Variants in OPRK1 observed in about 807,000 individuals in gnomAD.
OPRK1 encodes the protein opioid receptor kappa 1, also known as kappa-type opioid receptor.
OPRK1 carries 15 observed loss-of-function variants against 24.5 expected under a neutral mutation model. That is an observed-to-expected ratio of 0.61 (90% CI 0.41 to 0.94). The LOEUF is 0.94. Ranked by LOEUF, OPRK1 falls within the 40% of genes least tolerant of loss-of-function variation. OPRK1 has a pLI of 0.00. For missense variants in OPRK1, 479 were observed against 507.3 expected (o/e 0.94, Z 0.54); for synonymous variants, 205 against 198.0 (o/e 1.04, Z -0.30).
intron 2 of OPRK1, among the ~76,000 whole-genome samples, chr8:53,247,610 G>A (rs1470084099): frequency 6.6e-6 from 1 of 152,080 alleles, no homozygotes; most frequent in Admixed American, 6.5e-5. Flanking sequence ...GGGCAAAGGG[G>A]CGTGAGTGTC....
At chr8:53,237,180 G>T (rs940432802) in intron 2 of OPRK1, among the ~76,000 whole-genome samples, 11 of 152,138 alleles carry the variant, frequency 7.2e-5, no homozygotes, top group South Asian at 6.2e-4. Flanking sequence ...AAGCAGAAAA[G>T]AATGTAGTTT....
rs1333177327 is a variant in OPRK1, at chr8:53,250,805, G to A, written c.233C>T (p.Ser78Leu). The part of the protein sequence containing the change: ...VVFVVGLVGN[S>L]LVMFVIIRYT... ...CCGGATGATCACGAACATGACCAGCGAGTTGCCCACCAAGCCCACGACGAA... is the reference window on the plus strand; with the variant it reads ...CCGGATGATCACGAACATGACCAGCAAGTTGCCCACCAAGCCCACGACGAA... Residue 78 changes from serine (S) to leucine (L), a missense_variant, in exon 2 of 4, where the codon TCG becomes TTG. Transcript: ENST00000265572. 6.2e-7 allele frequency: 1 copy of A among 1,609,970 alleles called. No individual in the cohort carries two copies. The highest frequency in any genetic ancestry group is 8.5e-7 in the Non-Finnish European group (1 of 1,178,176).
rs1308194118 is a variant in OPRK1, at chr8:53,250,820, C to G, written c.218G>C (p.Gly73Ala). ...CATGACCAGCGAGTTGCCCACCAAG[C>G]CCACGACGAACACTACGGAGTAGAC... ...TAVYSVVFVV[G>A]LVGNSLVMFV... The change falls in exon 2 of 4, where the codon GGC becomes GCC. Residue 73 changes from glycine (G) to alanine (A), a missense_variant. Coordinates refer to ENST00000265572, the MANE Select transcript of OPRK1 (RefSeq NM_000912.5). 1 of 1,611,054 alleles carries G rather than the reference C, an allele frequency of 6.2e-7. No individual in the cohort carries two copies. The highest frequency in any genetic ancestry group is 8.5e-7 in the Non-Finnish European group (1 of 1,178,664).
At position 53,234,648 on chromosome 8, in the gene OPRK1, C is replaced by T. The variant is rs536043739; in HGVS notation, c.610+111G>A. ...ATGGATTTAGGCACTACATTTCCGT[C>T]GTCTTTTGGCATCGATTTCCACTAA... On this transcript the variant is annotated intron_variant, in intron 3 of 3. Transcript: ENST00000265572. 5.5e-6 allele frequency: 5 copies of T among 909,132 alleles called. No individual in the cohort carries two copies. The African/African-American group carries it at 6.7e-5, about 12-fold the overall frequency. 56.3% of individuals were successfully genotyped at this position (909,132 alleles called of 1,614,324 possible). A position where few individuals can be genotyped will look rare whatever the true frequency, so the allele number is the denominator to read the frequency against.
At chr8:53,251,160 C>T (rs1424258436) in intron 1 of OPRK1, 75 bp from the exon 2 acceptor site, 1 of 1,383,046 alleles carries the variant, frequency 7.2e-7, no homozygotes, top group Non-Finnish European at 9.3e-7. Context: ...CGCTGGGGAC[C>T]CGGAGCCTGC....
In OPRK1 at chr8:53,229,640, C is replaced by A. The variant is rs200420778; in HGVS notation, c.800G>T (p.Arg267Leu). 1.9e-6 allele frequency: 3 copies of A among 1,613,962 alleles called. No individual in the cohort carries two copies. In the Admixed American group the frequency reaches 5.0e-5, roughly 27 times the overall value. ...RLLSGSREKD[R>L]NLRRITRLVL... is the part of the protein sequence containing the mutation. Reference sequence around the variant, plus strand: ...CAGTCTGGTGATCCTACGCAGGTTGCGATCTTTCTCTCGGGAGCCAGAAAG... The same window carrying A: ...CAGTCTGGTGATCCTACGCAGGTTGAGATCTTTCTCTCGGGAGCCAGAAAG... Residue 267 changes from arginine to leucine, a missense_variant, in exon 4 of 4, where the codon CGC (arginine) becomes CTC (leucine). Coordinates refer to ENST00000265572, the MANE Select transcript of OPRK1 (RefSeq NM_000912.5).
intron 2 of OPRK1, chr8:53,242,801 C>G (rs761888923): frequency 1.1e-5 from 13 of 1,234,106 alleles, no homozygotes; most frequent in Non-Finnish European, 5.2e-6. Context: ...CCACCGCGCC[C>G]GGCCACTCCA....
chr8:53,229,326 C>G lies in OPRK1; in HGVS notation c.1114G>C (p.Asp372His), dbSNP rs202028631. ...NTVQDPAYLR[D>H]IDGMNKPV The stretch of plus-strand genomic sequence containing the variant: ...ACTGGTTTATTCATCCCATCGATGT[C>G]CCTCAGGTAAGCAGGATCCTGAACT... The change falls in exon 4 of 4, where the codon GAC becomes CAC. Residue 372 changes from aspartate to histidine, a missense_variant. Physicochemically the swap from Asp to His is moderately conservative, Grantham distance 81. Transcript: ENST00000265572. The G allele has an allele frequency of 6.8e-6, 11 of 1,614,094 alleles. No individual in the cohort carries two copies. In the African/African-American group the frequency reaches 9.3e-5, roughly 14 times the overall value.
chr8:53,247,705 A>C (rs113410127), intron 2 of OPRK1, among the ~76,000 whole-genome samples: 15,122 of 151,922 alleles, frequency 0.1, 835 homozygotes, highest in South Asian at 0.18. Flanking sequence ...GATTAGAATC[A>C]TGATGGTCAG....
At chr8:53,243,039 GA>G in intron 2 of OPRK1, 34 of 1,098,246 alleles carry the variant, frequency 3.1e-5, no homozygotes, top group East Asian at 2.0e-4. Context: ...CAAAGAAAGG[GA>G]AAAAAAGGGA....
chr8:53,235,559 T>G (rs1806971401), intron 2 of OPRK1, among the ~76,000 whole-genome samples: 1 of 152,232 alleles, frequency 6.6e-6, no homozygotes, highest in Non-Finnish European at 1.5e-5. Context: ...ATAATTATGA[T>G]GTATTTTGAA....
At chr8:53,245,712 G>T (rs1428484105) in intron 2 of OPRK1, among the ~76,000 whole-genome samples, 1 of 152,180 alleles carries the variant, frequency 6.6e-6, no homozygotes, top group African/African-American at 2.4e-5. Context: ...GGAGTGTGAT[G>T]AGTCACCTTG....
At chr8:53,235,176 T>G (rs980246726) in intron 2 of OPRK1, 65 bp from the exon 3 acceptor site, 11 of 1,368,406 alleles carry the variant, frequency 8.0e-6, no homozygotes, top group Non-Finnish European at 1.0e-5. Flanking sequence ...GTGAATGTGT[T>G]TGTGATAGCC....
chr8:53,243,968 A>T (rs1166969461), intron 2 of OPRK1, among the ~76,000 whole-genome samples: 7 of 152,174 alleles, frequency 4.6e-5, no homozygotes, highest in Non-Finnish European at 7.3e-5. Context: ...AAGGTAGGCT[A>T]TGTTGACACT....
Position 53,247,530 on chromosome 8 carries a change from C to T in OPRK1, c.257+3251G>A, listed in dbSNP as rs147251408. 6.1e-4 allele frequency among the ~76,000 whole-genome samples: 93 copies of T among 152,090 alleles called. 1 individual carries two copies. In the East Asian group the frequency reaches 0.015, roughly 25 times the overall value. On this transcript the variant is annotated intron_variant, in intron 2 of 3. Coordinates refer to ENST00000265572, the MANE Select transcript of OPRK1 (RefSeq NM_000912.5). ...TTCTTTAAGGGAGGAGAAAGTCGAA[C>T]GCGTATGAAGTTGTGGTAAGAGTGG...
In OPRK1 at chr8:53,228,202, C is replaced by T. The variant is rs1288210473; in HGVS notation, c.*1095G>A. On this transcript the variant is annotated 3_prime_UTR_variant, in exon 4 of 4. Coordinates refer to ENST00000265572, the MANE Select transcript of OPRK1 (RefSeq NM_000912.5). ...CTTGAGATCTACAGAAGCAAAACACCTTCCTCTCCGTGAATAGAGAGATCT... is the reference window on the plus strand; with the variant it reads ...CTTGAGATCTACAGAAGCAAAACACTTTCCTCTCCGTGAATAGAGAGATCT... 1 of 152,162 alleles carries T rather than the reference C, an allele frequency of 6.6e-6. No individual in the cohort carries two copies. 9.4% of individuals were successfully genotyped at this position (152,162 alleles called of 1,614,324 possible). A position where few individuals can be genotyped will look rare whatever the true frequency, so the allele number is the denominator to read the frequency against.
At chr8:53,245,145 T>C (rs1807200806) in intron 2 of OPRK1, among the ~76,000 whole-genome samples, 3 of 152,216 alleles carry the variant, frequency 2.0e-5, no homozygotes, top group African/African-American at 7.2e-5. Flanking sequence ...ACAACATTTT[T>C]CAGCCATGGT....
chr8:53,227,375 G>C lies in OPRK1; in HGVS notation c.*1922C>G, dbSNP rs1324973897. 15 of 151,966 alleles carry C rather than the reference G, an allele frequency of 9.9e-5. No individual in the cohort carries two copies. Among genetic ancestry groups the C allele is most frequent in the Admixed American group, 9.8e-4 (15 of 15,264 alleles). The allele number at this position is 151,966 out of a possible 1,614,324, so 9.4% of individuals were successfully genotyped here. On this transcript the variant is annotated 3_prime_UTR_variant, in exon 4 of 4. Coordinates refer to ENST00000265572, the MANE Select transcript of OPRK1 (RefSeq NM_000912.5). ...CACTGGAAAGGAATCTGACGAGAAAGTCTCTTGGGTTTTCCTGTTCCATAA... is the reference window on the plus strand; with the variant it reads ...CACTGGAAAGGAATCTGACGAGAAACTCTCTTGGGTTTTCCTGTTCCATAA...
intron 2 of OPRK1, among the ~76,000 whole-genome samples, chr8:53,247,117 G>A (rs922552427): frequency 3.3e-5 from 5 of 152,222 alleles, no homozygotes; most frequent in Admixed American, 1.3e-4. Context: ...CAAGAAGGCA[G>A]GACACTTGGG....
Sources: allele counts gnomAD v4.1 joint callset (sites outside exome capture counted in the v4.1 genomes callset), GRCh38; gene constraint gnomAD v4.1.1; transcripts MANE v1.5; gene names NCBI Gene and HGNC (gene_info 2026-07-23, HGNC 2026-07-21).